Variants in NKAIN3 observed in about 807,000 individuals in gnomAD.
NKAIN3 encodes sodium/potassium transporting ATPase interacting 3.
In NKAIN3, 25 loss-of-function variants were observed where a neutral mutation model predicts 30.2. The observed-to-expected ratio is 0.83, with a 90% CI of 0.60 to 1.16. NKAIN3 has a LOEUF of 1.16. Among genes scored for constraint, NKAIN3 ranks in the 50% most tolerant of loss-of-function variants. The pLI is 0.00. For synonymous variants in NKAIN3, 91 were observed against 89.6 expected (o/e 1.02, Z -0.09); for missense variants, 225 against 254.1 (o/e 0.89, Z 0.78).
rs190704149 is a variant in NKAIN3, at chr8:62,813,924, G to T, written c.471+66795G>T. Among the ~76,000 whole-genome samples the T allele has an allele frequency of 6.5e-3, 984 of 152,036 alleles. 10 individuals are homozygous for T. Among genetic ancestry groups the T allele is most frequent in the African/African-American group, 0.022 (921 of 41,524 alleles). On this transcript the variant is annotated intron_variant, in intron 4 of 6. Coordinates refer to ENST00000623646, the MANE Select transcript of NKAIN3 (RefSeq NM_001304533.3). The stretch of plus-strand genomic sequence containing the variant: ...TAGCCTTGCTGTATATAATATTCTT[G>T]ACTGACAGGTTTTTCTTTTAGTGCT...
intron 1 of NKAIN3, among the ~76,000 whole-genome samples, chr8:62,417,808 T>G (rs1380809132): frequency 1.3e-5 from 2 of 152,212 alleles, no homozygotes; most frequent in African/African-American, 4.8e-5. Flanking sequence ...TTGCTTATTT[T>G]TAATCAGATT....
At chr8:62,392,517 A>T (rs1817611047) in intron 1 of NKAIN3, among the ~76,000 whole-genome samples, 2 of 152,146 alleles carry the variant, frequency 1.3e-5, no homozygotes, top group African/African-American at 4.8e-5. Flanking sequence ...TTTTGGCTGT[A>T]TTAACTTCAA....
At chr8:62,856,461 A>G in intron 4 of NKAIN3, 2 of 787,040 alleles carry the variant, frequency 2.5e-6, no homozygotes, top group South Asian at 2.7e-5. Flanking sequence ...AGGATATGTC[A>G]AAGCCCCCAG....
intron 1 of NKAIN3, among the ~76,000 whole-genome samples, chr8:62,479,490 G>T (rs765655776): frequency 3.1e-4 from 47 of 152,148 alleles, no homozygotes; most frequent in Non-Finnish European, 2.1e-4. Context: ...GGTTTGTATT[G>T]TCATGGCTAA....
At chr8:62,824,092 C>G (rs1586238472) in intron 4 of NKAIN3, among the ~76,000 whole-genome samples, 1 of 152,142 alleles carries the variant, frequency 6.6e-6, no homozygotes, top group Non-Finnish European at 1.5e-5. Flanking sequence ...AAATTGTTCA[C>G]TTTGAGGGAA....
chr8:62,383,733 C>T (rs1290095801), intron 1 of NKAIN3, among the ~76,000 whole-genome samples: 1 of 152,096 alleles, frequency 6.6e-6, no homozygotes, highest in African/African-American at 2.4e-5. Flanking sequence ...TTTCTCAAAT[C>T]ATTTACAGTC....
chr8:62,629,505 T>C (rs1179656108), intron 3 of NKAIN3, among the ~76,000 whole-genome samples: 1 of 152,134 alleles, frequency 6.6e-6, no homozygotes, highest in African/African-American at 2.4e-5. Flanking sequence ...CAGCACATAC[T>C]TCATAAGATT....
chr8:62,474,028 T>A (rs1318716043), intron 1 of NKAIN3: 1 of 152,182 alleles, frequency 6.6e-6, no homozygotes. Context: ...CTTGAGAGAC[T>A]TGTTGTCCTC....
chr8:62,481,083 T>C lies in NKAIN3; in HGVS notation c.55-98456T>C, dbSNP rs147090923. Among the ~76,000 whole-genome samples the C allele has an allele frequency of 4.9e-4, 75 of 152,318 alleles. No homozygotes were observed. In the East Asian group the frequency reaches 0.012, roughly 25 times the overall value. The stretch of plus-strand genomic sequence containing the variant: ...ATTTATAATCATCATTTCATTGTCA[T>C]TTCATGTTTATTGATTGCCTTTGTC... On this transcript the variant is annotated intron_variant, in intron 1 of 6. Coordinates refer to ENST00000623646, the MANE Select transcript of NKAIN3 (RefSeq NM_001304533.3).
At chr8:62,253,308 G>A (rs1812167559) in intron 1 of NKAIN3, among the ~76,000 whole-genome samples, 1 of 152,192 alleles carries the variant, frequency 6.6e-6, no homozygotes, top group African/African-American at 2.4e-5. Context: ...GGGTACAGTG[G>A]CTTATGCCTG....
chr8:62,452,078 G>T (rs959934463), intron 1 of NKAIN3, among the ~76,000 whole-genome samples: 1 of 152,164 alleles, frequency 6.6e-6, no homozygotes, highest in African/African-American at 2.4e-5. Flanking sequence ...TTAGCCAATA[G>T]GTACCAAACT....
chr8:62,372,245 T>C (rs1816935456), intron 1 of NKAIN3, among the ~76,000 whole-genome samples: 1 of 151,904 alleles, frequency 6.6e-6, no homozygotes, highest in African/African-American at 2.4e-5. Flanking sequence ...CACACACACA[T>C]ATATTCTTTA....
At chr8:62,439,223 G>A (rs1805254603) in intron 1 of NKAIN3, among the ~76,000 whole-genome samples, 1 of 152,180 alleles carries the variant, frequency 6.6e-6, no homozygotes. Flanking sequence ...ACAAGGGTAT[G>A]AGCCTGAGTC....
chr8:62,260,506 T>C (rs1812404507), intron 1 of NKAIN3, among the ~76,000 whole-genome samples: 1 of 152,192 alleles, frequency 6.6e-6, no homozygotes, highest in South Asian at 2.1e-4. Flanking sequence ...CTAGAGCCAT[T>C]GTTCGCTCCA....
rs186367815 is a variant in NKAIN3 at position 62,977,107 on chromosome 8, C to A, written c.*11700C>A. 3.0e-4 allele frequency among the ~76,000 whole-genome samples: 45 copies of A among 152,248 alleles called. No homozygotes were observed. Among genetic ancestry groups the A allele is most frequent in the African/African-American group, 9.9e-4 (41 of 41,538 alleles). On this transcript the variant is annotated 3_prime_UTR_variant, in exon 7 of 7. Coordinates refer to ENST00000623646, the MANE Select transcript of NKAIN3 (RefSeq NM_001304533.3). ...GTAACCCAACTTTTCTCTCTGGCTG[C>A]CCTTAACATTTTTTCTTTCAGTTCA...
chr8:62,566,238 C>G (rs1809746036), intron 1 of NKAIN3, among the ~76,000 whole-genome samples: 1 of 152,134 alleles, frequency 6.6e-6, no homozygotes, highest in Admixed American at 6.6e-5. Context: ...CTTGAATATG[C>G]TTGTCTTCTC....
chr8:62,658,723 T>G (rs1410227370), intron 3 of NKAIN3, among the ~76,000 whole-genome samples: 1 of 152,186 alleles, frequency 6.6e-6, no homozygotes. Flanking sequence ...ATTAGTAATT[T>G]TATCCTCCCT....
chr8:62,666,312 G>T (rs1267194750), intron 3 of NKAIN3, among the ~76,000 whole-genome samples: 2 of 152,112 alleles, frequency 1.3e-5, no homozygotes, highest in African/African-American at 2.4e-5. Context: ...TGTGTGAGAA[G>T]ACACATTTTA....
intron 1 of NKAIN3, among the ~76,000 whole-genome samples, chr8:62,555,213 A>G (rs1280812206): frequency 1.3e-5 from 2 of 152,160 alleles, no homozygotes; most frequent in Non-Finnish European, 2.9e-5. Context: ...ATTCACAATA[A>G]AAAATTCAGA....
Sources: gnomAD v4.1 joint callset for allele counts (sites outside exome capture counted in the v4.1 genomes callset) on GRCh38, gnomAD v4.1.1 for gene constraint, MANE v1.5 for transcripts, NCBI Gene and HGNC (gene_info 2026-07-23, HGNC 2026-07-21) for gene names.